ZNF469: variants seen among roughly 807,000 people sequenced by gnomAD.
ZNF469 encodes zinc finger protein 469.
ZNF469 carries 1 observed loss-of-function variant against 1.0 expected under a neutral mutation model. The ratio of observed to expected loss-of-function variants is 1.00; its 90% CI spans 0.35 to 4.73. ZNF469 has a LOEUF of 4.73. Ranked by LOEUF, ZNF469 falls within the 30% of genes most tolerant of loss-of-function variation. The pLI is 0.16. For synonymous variants in ZNF469, 2,703 were observed against 2,363.4 expected (o/e 1.14, Z -4.17); for missense variants, 6,100 against 5,356.3 (o/e 1.14, Z -4.33).
chr16:88,242,222 GGGCTTCTCATCAGC>G, the ZNF469 span, among the ~76,000 whole-genome samples: 5 of 152,358 alleles, frequency 3.3e-5, no homozygotes, highest in South Asian at 1.0e-3. Context: ...TAAGGTTCAA[GGGCTTCTCATCAGC>G]GGCTTCTCAT....
the ZNF469 span, among the ~76,000 whole-genome samples, chr16:88,372,925 T>C: frequency 6.7e-6 from 1 of 149,902 alleles, no homozygotes; most frequent in African/African-American, 2.5e-5. Context: ...TCATGATCTT[T>C]ACCATCTTCA....
Position 88,432,212 on chromosome 16 carries a change from C to G in ZNF469, c.4742C>G (p.Thr1581Arg). 6.5e-7 allele frequency: 1 copy of G among 1,550,096 alleles called. No individual in the cohort carries two copies. Among genetic ancestry groups the G allele is most frequent in the Non-Finnish European group, 8.7e-7 (1 of 1,146,990 alleles). The change falls in exon 3 of 3, where the codon ACA becomes AGA. Residue 1581 changes from threonine to arginine, a missense_variant. Physicochemically the swap from Thr to Arg is moderately conservative, Grantham distance 71 (BLOSUM62 -1). Transcript: ENST00000565624. ...AGTCAGCTGCAAAGGAGCAAAGACA[C>G]ACGTGGGGCCCCGAGAGAGCTTGCA... ...LESQLQRSKD[T>R]RGAPRELAEA...
intron 1 of ZNF469, among the ~76,000 whole-genome samples, chr16:88,393,536 A>G (rs558323820): frequency 7.2e-5 from 11 of 152,370 alleles, no homozygotes; most frequent in African/African-American, 2.4e-4. Context: ...CCTGTGGCCC[A>G]GGGTGGGCAG....
chr16:88,142,014 C>T, the ZNF469 span, among the ~76,000 whole-genome samples: 1 of 152,224 alleles, frequency 6.6e-6, no homozygotes, highest in Non-Finnish European at 1.5e-5. Flanking sequence ...GCTACGCAGA[C>T]AGGCTCATGT....
At chr16:88,197,937 A>T in the ZNF469 span, among the ~76,000 whole-genome samples, 2 of 152,244 alleles carry the variant, frequency 1.3e-5, no homozygotes, top group Non-Finnish European at 2.9e-5. Flanking sequence ...TGGCAGCTGC[A>T]CGCTAGTGTG....
the ZNF469 span, among the ~76,000 whole-genome samples, chr16:88,260,448 G>A: frequency 2.0e-5 from 3 of 152,296 alleles, no homozygotes; most frequent in East Asian, 1.9e-4. The surrounding 1 kb of genome is among the most constrained non-coding windows in gnomAD (Gnocchi z 4.1). Flanking sequence ...CCTAAGCCTC[G>A]CTCTGGGGAC....
intron 1 of ZNF469, among the ~76,000 whole-genome samples, chr16:88,419,657 C>T (rs1905399391): frequency 6.6e-6 from 1 of 152,194 alleles, no homozygotes; most frequent in South Asian, 2.1e-4. Context: ...CTTGAAGCGC[C>T]GTCTGCCCCC....
the ZNF469 span, among the ~76,000 whole-genome samples, chr16:88,357,191 T>C: frequency 6.6e-6 from 1 of 152,232 alleles, no homozygotes; most frequent in Non-Finnish European, 1.5e-5. Flanking sequence ...GACAGAGCCC[T>C]GGACCCGGGT....
the ZNF469 span, among the ~76,000 whole-genome samples, chr16:88,306,787 G>A: frequency 1.1e-4 from 16 of 152,288 alleles, no homozygotes; most frequent in East Asian, 5.8e-4. Flanking sequence ...CCCTGTCCCC[G>A]CTTCTACCAG....
intron 1 of ZNF469, among the ~76,000 whole-genome samples, chr16:88,385,521 T>C (rs1032111094): frequency 6.6e-6 from 1 of 151,858 alleles, no homozygotes; most frequent in Non-Finnish European, 1.5e-5. Context: ...TGTGCACCTG[T>C]ACTCTCAGCT....
At chr16:88,353,253 A>G in the ZNF469 span, among the ~76,000 whole-genome samples, 1 of 152,012 alleles carries the variant, frequency 6.6e-6, no homozygotes, top group Non-Finnish European at 1.5e-5. Flanking sequence ...TACGCTCCCA[A>G]TAATGCGGCT....
the ZNF469 span, among the ~76,000 whole-genome samples, chr16:88,357,383 C>T: frequency 1.3e-5 from 2 of 152,196 alleles, no homozygotes; most frequent in Non-Finnish European, 2.9e-5. Flanking sequence ...ATCCAGTCCT[C>T]GACTGCGTTG....
chr16:88,156,291 T>C, the ZNF469 span, among the ~76,000 whole-genome samples: 1 of 152,252 alleles, frequency 6.6e-6, no homozygotes, highest in Non-Finnish European at 1.5e-5. Flanking sequence ...TGGTGTCATA[T>C]ATAAGAAACC....
chr16:88,247,715 C>A, the ZNF469 span, among the ~76,000 whole-genome samples: 1 of 145,358 alleles, frequency 6.9e-6, no homozygotes, highest in East Asian at 2.1e-4. Flanking sequence ...ATGAGTGAGT[C>A]AATGAGCGAG....
intron 2 of ZNF469, among the ~76,000 whole-genome samples, chr16:88,426,143 C>T (rs1007462398): frequency 6.6e-6 from 1 of 152,244 alleles, no homozygotes; most frequent in Non-Finnish European, 1.5e-5. Context: ...CAGGAGGCAG[C>T]CCCCGCCTCC....
At chr16:88,150,007 G>T in the ZNF469 span, among the ~76,000 whole-genome samples, 5 of 152,140 alleles carry the variant, frequency 3.3e-5, no homozygotes, top group Admixed American at 2.0e-4. Context: ...CACATCACTG[G>T]GTTCAAAAAA....
intron 1 of ZNF469, among the ~76,000 whole-genome samples, chr16:88,392,904 G>A (rs1904529348): frequency 6.6e-6 from 1 of 151,996 alleles, no homozygotes; most frequent in Admixed American, 6.6e-5. Flanking sequence ...TTGCCTGCTG[G>A]TCCTGAGTCC....
chr16:88,358,337 G>A, the ZNF469 span, among the ~76,000 whole-genome samples: 1 of 152,206 alleles, frequency 6.6e-6, no homozygotes, highest in Non-Finnish European at 1.5e-5. Flanking sequence ...CGGCCTCCAG[G>A]GACCGTGTTG....
rs1470950765 is a variant in ZNF469 at position 88,436,866 on chromosome 16, G to A, written c.9396G>A (p.Leu3132=). 11 of 1,522,248 alleles carry A rather than the reference G, an allele frequency of 7.2e-6. No homozygotes were observed. Among genetic ancestry groups the A allele is most frequent in the Middle Eastern group, 3.4e-4 (2 of 5,820 alleles). The allele number at this position is 1,522,248 out of a possible 1,614,324, so 94.3% of individuals were successfully genotyped here. The change falls in exon 3 of 3, where the codon CTG becomes CTA. Residue 3132 remains leucine, a synonymous_variant. Coordinates refer to ENST00000565624, the MANE Select transcript of ZNF469 (RefSeq NM_001367624.2). ...QRFRSLGELD[L]HKLAHTPAPP... is the part of the protein sequence containing the mutation. ...TCCGCAGCCTGGGCGAGCTGGACCTGCACAAGCTGGCCCACACGCCCGCGC... is the reference window on the plus strand; with the variant it reads ...TCCGCAGCCTGGGCGAGCTGGACCTACACAAGCTGGCCCACACGCCCGCGC...
Sources: gnomAD v4.1 joint callset for allele counts (sites outside exome capture counted in the v4.1 genomes callset) on GRCh38, gnomAD v4.1.1 for gene constraint, Gnocchi (gnomAD v3.1) non-coding constraint, MANE v1.5 for transcripts, NCBI Gene and HGNC (gene_info 2026-07-23, HGNC 2026-07-21) for gene names.